Variants in SYNPO2 observed in about 807,000 individuals in gnomAD.
SYNPO2 encodes synaptopodin-2.
SYNPO2 carries 56 observed loss-of-function variants against 85.0 expected under a neutral mutation model. That is an observed-to-expected ratio of 0.66 (90% CI 0.53 to 0.82). The LOEUF is 0.82. Among genes scored for constraint, SYNPO2 ranks in the 40% least tolerant of loss-of-function variants. The pLI, the probability that SYNPO2 is intolerant of heterozygous loss-of-function variation, is 0.00. For synonymous variants in SYNPO2, 602 were observed against 591.1 expected, an observed-to-expected ratio of 1.02 and a Z score of -0.27; for missense variants, 1,575 against 1,534.2, an observed-to-expected ratio of 1.03 and a Z score of -0.44.
At chr4:118,855,568 G>T (rs1731491477) in intron 1 of SYNPO2, among the ~76,000 whole-genome samples, 1 of 152,028 alleles carries the variant, frequency 6.6e-6, no homozygotes, top group Non-Finnish European at 1.5e-5. Context: ...TCAATTGAAG[G>T]TGTCAATAAT....
chr4:119,034,300 C>T (rs781673916), intron 4 of SYNPO2: 45 of 984,210 alleles, frequency 4.6e-5, no homozygotes, highest in Non-Finnish European at 5.1e-5. Context: ...CACAGGTAGT[C>T]GGTTTGAGAT....
At position 119,027,217 on chromosome 4, in the gene SYNPO2, G is replaced by A. The variant is rs750318658; in HGVS notation, c.848G>A (p.Arg283Gln). The change falls in exon 3 of 5, where the codon CGG (arginine) becomes CAG (glutamine). Residue 283 changes from arginine (R) to glutamine (Q), a missense_variant. Around this residue, in one of 3 missense-constraint regions of SYNPO2, gnomAD observed 1,508 missense variants for 1,446.8 expected, o/e 1.04. Coordinates refer to ENST00000307142, the MANE Select transcript of SYNPO2 (RefSeq NM_133477.3). ...ESEAGDAGLP[R>Q]VEVILDCSDR... ...GAAGCAGGAGATGCGGGACTGCCCCGGGTGGAAGTGATCCTCGACTGCTCT... is the reference window on the plus strand; with the variant it reads ...GAAGCAGGAGATGCGGGACTGCCCCAGGTGGAAGTGATCCTCGACTGCTCT... 4 of 1,613,992 alleles carry A rather than the reference G, an allele frequency of 2.5e-6. No individual in the cohort carries two copies. The highest frequency in any genetic ancestry group is 1.7e-5 in the Admixed American group (1 of 59,990).
intron 1 of SYNPO2, among the ~76,000 whole-genome samples, chr4:118,995,233 C>T (rs1378380412): frequency 6.6e-6 from 1 of 151,966 alleles, no homozygotes; most frequent in Non-Finnish European, 1.5e-5. Flanking sequence ...AAACATATGC[C>T]TTTGTGATGA....
chr4:119,001,166 A>C (rs1736811767), intron 1 of SYNPO2, among the ~76,000 whole-genome samples: 1 of 152,196 alleles, frequency 6.6e-6, no homozygotes, highest in East Asian at 1.9e-4. Flanking sequence ...GCCCCCTTGA[A>C]CCTGTGCAGT....
At position 119,027,401 on chromosome 4, in the gene SYNPO2, T is replaced by G. The variant is rs747729057; in HGVS notation, c.1032T>G (p.Asp344Glu). The G allele has an allele frequency of 2.5e-6, 4 of 1,611,568 alleles. No individual in the cohort carries two copies. The East Asian group carries it at 8.9e-5, about 36-fold the overall frequency. ...EQGEDPRSEKDHSRPHKHRAR... is the reference protein window; with the variant it reads ...EQGEDPRSEKEHSRPHKHRAR... ...GAGAAGATCCACGCTCGGAAAAAGA[T>G]CACAGCAGACCTCACAAGCACCGAG... Residue 344 changes from aspartate (D) to glutamate (E), a missense_variant, in exon 3 of 5, where the codon GAT (aspartate) becomes GAG (glutamate). Asp to Glu is a conservative substitution (Grantham distance 45). Coordinates refer to ENST00000307142, the MANE Select transcript of SYNPO2 (RefSeq NM_133477.3).
At chr4:119,049,383 G>A (rs921335422) in intron 4 of SYNPO2, among the ~76,000 whole-genome samples, 3 of 152,196 alleles carry the variant, frequency 2.0e-5, no homozygotes, top group African/African-American at 4.8e-5. Context: ...TACTGATCAT[G>A]TGTTTAAGAG....
At chr4:118,876,872 C>T (rs921768867) in intron 1 of SYNPO2, among the ~76,000 whole-genome samples, 5 of 151,430 alleles carry the variant, frequency 3.3e-5, no homozygotes, top group African/African-American at 4.9e-5. Flanking sequence ...TTCACTGCAA[C>T]GTTGACCTCC....
intron 1 of SYNPO2, among the ~76,000 whole-genome samples, chr4:118,867,428 T>G (rs961394581): frequency 7.2e-5 from 11 of 151,800 alleles, no homozygotes; most frequent in Non-Finnish European, 1.3e-4. Context: ...AGTTTTACCA[T>G]TATAGAGATA....
intron 1 of SYNPO2, among the ~76,000 whole-genome samples, chr4:118,873,293 C>CT (rs1374485069): frequency 2.0e-5 from 3 of 152,188 alleles, no homozygotes; most frequent in African/African-American, 7.2e-5. Context: ...AGAGGTTGTA[C>CT]TAATTTACAT....
Position 119,036,568 on chromosome 4 carries a change from A to T in SYNPO2, c.3252+4541A>T, listed in dbSNP as rs867909124. ...CCACAGGATCCAGACACCAGGCAAA[A>T]TTGCTCTAAGAAGCCAGTTACTGTC... On this transcript the variant is annotated intron_variant, in intron 4 of 4. Coordinates refer to ENST00000307142, the MANE Select transcript of SYNPO2 (RefSeq NM_133477.3). 1.2e-4 allele frequency: 119 copies of T among 985,360 alleles called. No individual in the cohort carries two copies. In the Middle Eastern group the frequency reaches 1.5e-3, roughly 13 times the overall value. 61.0% of individuals were successfully genotyped at this position (985,360 alleles called of 1,614,324 possible).
At chr4:118,922,643 T>C (rs181269982) in intron 1 of SYNPO2, among the ~76,000 whole-genome samples, 1 of 152,016 alleles carries the variant, frequency 6.6e-6, no homozygotes, top group Non-Finnish European at 1.5e-5. Context: ...ACACATATCA[T>C]CTTTGTTCAT....
intron 1 of SYNPO2, among the ~76,000 whole-genome samples, chr4:118,878,740 A>T (rs1731977223): frequency 1.3e-5 from 2 of 152,164 alleles, no homozygotes; most frequent in Non-Finnish European, 2.9e-5. Flanking sequence ...GTAAAAACGC[A>T]CCAATCAGCA....
intron 4 of SYNPO2, chr4:119,036,351 G>C (rs1561015705): frequency 4.1e-6 from 4 of 985,292 alleles, no homozygotes; most frequent in African/African-American, 1.7e-5. Context: ...AACCAACACT[G>C]TATTCCCAGA....
intron 1 of SYNPO2, among the ~76,000 whole-genome samples, chr4:118,967,358 C>T (rs761386906): frequency 1.3e-5 from 2 of 152,180 alleles, no homozygotes; most frequent in Non-Finnish European, 2.9e-5. Flanking sequence ...TCTGACATTC[C>T]CTGAGACTGA....
At chr4:118,977,402 C>G (rs12500593) in intron 1 of SYNPO2, among the ~76,000 whole-genome samples, 62,742 of 152,154 alleles carry the variant, frequency 0.41, 13,122 homozygotes, top group South Asian at 0.56. Flanking sequence ...AAGCGCGGCA[C>G]GCAGCCCCGG....
intron 1 of SYNPO2, among the ~76,000 whole-genome samples, chr4:118,906,113 T>G (rs1046960046): frequency 4.6e-5 from 7 of 152,172 alleles, no homozygotes; most frequent in African/African-American, 1.7e-4. Context: ...ATATACCTGT[T>G]GAAAGGTTGT....
intron 1 of SYNPO2, among the ~76,000 whole-genome samples, chr4:118,962,600 A>G (rs1297256528): frequency 6.6e-6 from 1 of 152,164 alleles, no homozygotes. Flanking sequence ...GAGAACTTTG[A>G]CTATTTTTAA....
At chr4:119,005,865 A>G (rs1274455940) in intron 1 of SYNPO2, among the ~76,000 whole-genome samples, 1 of 152,252 alleles carries the variant, frequency 6.6e-6, no homozygotes, top group Non-Finnish European at 1.5e-5. Context: ...TTGAAGGAGC[A>G]TTAACACTAA....
At chr4:118,991,951 A>G (rs145291621) in intron 1 of SYNPO2, among the ~76,000 whole-genome samples, 1 of 152,290 alleles carries the variant, frequency 6.6e-6, no homozygotes, top group East Asian at 1.9e-4. Flanking sequence ...TCGACTGGAA[A>G]GGATTCAGGG....
Sources: allele counts gnomAD v4.1 joint callset (sites outside exome capture counted in the v4.1 genomes callset), GRCh38; gene constraint gnomAD v4.1.1; regional missense constraint gnomAD v4.1.1; transcripts MANE v1.5; gene names NCBI Gene and HGNC (gene_info 2026-07-23, HGNC 2026-07-21).